The following STARD13 variants were observed in gnomAD, a reference collection of about 807,000 sequenced individuals.
STARD13 encodes StAR related lipid transfer domain containing 13.
A neutral mutation model predicts 106.4 loss-of-function variants in STARD13; 62 were observed. The observed-to-expected ratio is 0.58, with a 90% CI of 0.48 to 0.72. STARD13 has a LOEUF of 0.72. Among genes scored for constraint, STARD13 ranks in the 30% least tolerant of loss-of-function variants. The pLI is 0.00. For synonymous variants in STARD13, 565 were observed against 553.0 expected, an observed-to-expected ratio of 1.02 and a Z score of -0.31; for missense variants, 1,387 against 1,424.0, an observed-to-expected ratio of 0.97 and a Z score of 0.42.
chr13:33,448,121 T>G, the STARD13 span, among the ~76,000 whole-genome samples: 1 of 152,208 alleles, frequency 6.6e-6, no homozygotes, highest in Non-Finnish European at 1.5e-5. Context: ...CGATATGTGT[T>G]CATTGTGTTA....
chr13:33,132,337 C>T lies in STARD13; in HGVS notation c.388-2048G>A, dbSNP rs182214513. Among the ~76,000 whole-genome samples the T allele has an allele frequency of 2.8e-4, 42 of 152,196 alleles. 1 individual carries two copies. The East Asian group carries it at 2.9e-3, about 10-fold the overall frequency. On this transcript the variant is annotated intron_variant, in intron 4 of 13. Transcript: ENST00000336934. ...ATAATTGAATCGTGGGGGTGGTTCC[C>T]CCATACTGTTCTTGTGGTAGTGAAT... is the stretch of plus-strand genomic sequence containing the variant.
At chr13:33,203,341 T>C (rs1020343723) in intron 1 of STARD13, among the ~76,000 whole-genome samples, 3 of 152,254 alleles carry the variant, frequency 2.0e-5, no homozygotes, top group African/African-American at 7.2e-5. Flanking sequence ...CACTCCTATC[T>C]TTTCATATCT....
intron 11 of STARD13, among the ~76,000 whole-genome samples, chr13:33,110,373 C>T (rs777546763): frequency 3.3e-5 from 5 of 152,124 alleles, no homozygotes; most frequent in Non-Finnish European, 5.9e-5. Flanking sequence ...AGCCTTCCTC[C>T]GACAGTGGTA....
chr13:33,304,161 T>C (rs940547564), intron 1 of STARD13, among the ~76,000 whole-genome samples: 1 of 152,244 alleles, frequency 6.6e-6, no homozygotes, highest in Admixed American at 6.5e-5. Context: ...GGCCCTTACT[T>C]CTGAGGTTTT....
rs188086758 is a variant in STARD13 at position 33,338,529 on chromosome 13, G to A, written c.124+11761C>T. ...ATTCATGATATAACACTAATGGATC[G>A]ATACGAGATGCTGCCAGCCATGCTA... is the stretch of plus-strand genomic sequence containing the variant. On this transcript the variant is annotated intron_variant, in intron 1 of 5. Coordinates refer to the STARD13 transcript ENST00000567873. Among the ~76,000 whole-genome samples the A allele has an allele frequency of 2.6e-5, 4 of 152,120 alleles. No homozygotes were observed. In the East Asian group the frequency reaches 7.7e-4, roughly 29 times the overall value.
the STARD13 span, among the ~76,000 whole-genome samples, chr13:33,561,111 A>C: frequency 6.6e-6 from 1 of 151,542 alleles, no homozygotes; most frequent in Admixed American, 6.6e-5. Flanking sequence ...TTTTGTATAA[A>C]AATTCATAAG....
intron 1 of STARD13, among the ~76,000 whole-genome samples, chr13:33,295,949 C>T (rs745584101): frequency 5.9e-4 from 89 of 152,098 alleles, no homozygotes; most frequent in Admixed American, 4.0e-3. Flanking sequence ...CAGTGGTTCA[C>T]GCTTATAATC....
intron 1 of STARD13, among the ~76,000 whole-genome samples, chr13:33,193,777 GGAGA>G (rs2138061101): frequency 1.3e-5 from 2 of 152,312 alleles, no homozygotes; most frequent in South Asian, 4.1e-4. Context: ...TTGGAGGACA[GGAGA>G]GAGAAACTGT....
At chr13:33,292,798 ACTATTGTCTGTGAT>A (rs1431003725) in intron 1 of STARD13, among the ~76,000 whole-genome samples, 1 of 152,114 alleles carries the variant, frequency 6.6e-6, no homozygotes, top group Non-Finnish European at 1.5e-5. Flanking sequence ...GTTCAAGTAC[ACTATTGTCTGTGAT>A]CTTTTAAACC....
chr13:33,340,271 A>G (rs1411864587), intron 1 of STARD13, among the ~76,000 whole-genome samples: 1 of 152,186 alleles, frequency 6.6e-6, no homozygotes, highest in Non-Finnish European at 1.5e-5. Context: ...TGGTGCAATC[A>G]TGGCTCACTG....
the STARD13 span, among the ~76,000 whole-genome samples, chr13:33,446,739 A>T: frequency 6.6e-6 from 1 of 152,220 alleles, no homozygotes; most frequent in Non-Finnish European, 1.5e-5. Flanking sequence ...ATTTAATCTA[A>T]TGCAAAAACA....
chr13:33,156,735 C>G (rs187997509), intron 3 of STARD13, among the ~76,000 whole-genome samples: 1 of 152,200 alleles, frequency 6.6e-6, no homozygotes, highest in East Asian at 1.9e-4. Context: ...TACAGTGTTA[C>G]CATGAGAATT....
At chr13:33,414,052 A>AAAGT in the STARD13 span, among the ~76,000 whole-genome samples, 1 of 145,388 alleles carries the variant, frequency 6.9e-6, no homozygotes, top group East Asian at 2.0e-4. Flanking sequence ...AAAAAAAAAG[A>AAAGT]AAAGAAAAAA....
chr13:33,177,234 CT>C (rs1884612394), intron 1 of STARD13, among the ~76,000 whole-genome samples: 1 of 152,128 alleles, frequency 6.6e-6, no homozygotes, highest in Non-Finnish European at 1.5e-5. Flanking sequence ...AGATCATTTT[CT>C]GTAAGAATAG....
the STARD13 span, among the ~76,000 whole-genome samples, chr13:33,357,405 A>C: frequency 6.6e-6 from 1 of 152,184 alleles, no homozygotes; most frequent in Non-Finnish European, 1.5e-5. Context: ...TCTCAGTACT[A>C]ACTCCCACCT....
At chr13:33,283,996 G>A (rs944486164) in intron 1 of STARD13, among the ~76,000 whole-genome samples, 6 of 152,118 alleles carry the variant, frequency 3.9e-5, no homozygotes, top group Admixed American at 6.5e-5. Flanking sequence ...AGATGATAGC[G>A]CATCATTAAG....
chr13:33,384,075 T>A, the STARD13 span, among the ~76,000 whole-genome samples: 1 of 152,190 alleles, frequency 6.6e-6, no homozygotes, highest in African/African-American at 2.4e-5. Context: ...AGATAAATTA[T>A]CCCTGGGAGA....
chr13:33,396,232 G>A, the STARD13 span, among the ~76,000 whole-genome samples: 1 of 152,174 alleles, frequency 6.6e-6, no homozygotes, highest in African/African-American at 2.4e-5. Flanking sequence ...CTGGGCTTAA[G>A]TGATCCTCCT....
At chr13:33,502,921 CT>C in the STARD13 span, among the ~76,000 whole-genome samples, 3 of 152,200 alleles carry the variant, frequency 2.0e-5, no homozygotes, top group Admixed American at 2.0e-4. Flanking sequence ...AGGATTCCCT[CT>C]TTTTCTATTG....
Sources: gnomAD v4.1 joint callset for allele counts (sites outside exome capture counted in the v4.1 genomes callset) on GRCh38, gnomAD v4.1.1 for gene constraint, MANE v1.5 for transcripts, NCBI Gene and HGNC (gene_info 2026-07-23, HGNC 2026-07-21) for gene names.